TAF3: variants seen among roughly 807,000 people sequenced by gnomAD.
TAF3 encodes TATA-box binding protein associated factor 3, also known as transcription initiation factor TFIID subunit 3.
A neutral mutation model predicts 80.6 loss-of-function variants in TAF3; 7 were observed. The observed-to-expected ratio is 0.09, with a 90% CI of 0.05 to 0.16. The LOEUF is 0.16. Among genes scored for constraint, TAF3 ranks in the 10% least tolerant of loss-of-function variants. The pLI is 1.00. For missense variants in TAF3, 921 were observed against 1,140.2 expected, an observed-to-expected ratio of 0.81 and a Z score of 2.77; for synonymous variants, 444 against 446.1, an observed-to-expected ratio of 1.00 and a Z score of 0.06.
At chr10:7,837,326 G>A (rs1391705625) in intron 2 of TAF3, among the ~76,000 whole-genome samples, 1 of 146,082 alleles carries the variant, frequency 6.8e-6, no homozygotes, top group Non-Finnish European at 1.5e-5. Flanking sequence ...TTGCACCACT[G>A]TGCTCCAGTC....
At chr10:8,003,645 C>T (rs1461656193) in intron 4 of TAF3, among the ~76,000 whole-genome samples, 4 of 152,200 alleles carry the variant, frequency 2.6e-5, no homozygotes, top group Admixed American at 6.5e-5. Context: ...GCATTTAATG[C>T]AGCATTAAAG....
intron 2 of TAF3, among the ~76,000 whole-genome samples, chr10:7,832,039 G>C (rs148989649): frequency 1.1e-3 from 173 of 152,026 alleles, no homozygotes; most frequent in African/African-American, 4.0e-3. Context: ...GTTTTTTGTG[G>C]AGAGAACATT....
At chr10:8,013,924 C>A (rs1832079771) in intron 6 of TAF3, 87 bp downstream of exon 6, 2 of 1,143,862 alleles carry the variant, frequency 1.7e-6, no homozygotes, top group Admixed American at 1.7e-5. Flanking sequence ...TAGATTCCTG[C>A]CTTTGGACTG....
At position 8,009,376 on chromosome 10, in the gene TAF3, TCGAGA is replaced by T. The variant is rs1171380986; in HGVS notation, c.2568+48_2568+52del. On this transcript the variant is annotated intron_variant, in intron 5 of 6. Transcript: ENST00000344293. The surrounding 1 kb of genome is among the most constrained non-coding windows in gnomAD (Gnocchi z 4.1). ...CGGTTAGCATGGAGACGTTTTCAGA[TCGAGA>T]CAAGTGTGTGCTCTGAATCACTATC... 2.6e-6 allele frequency: 4 copies of T among 1,557,042 alleles called. No individual in the cohort carries two copies. The Admixed American group carries it at 7.2e-5, about 28-fold the overall frequency.
chr10:7,835,630 C>T (rs570864862), intron 2 of TAF3, among the ~76,000 whole-genome samples: 5 of 152,282 alleles, frequency 3.3e-5, no homozygotes, highest in African/African-American at 1.2e-4. Context: ...GGATCTCACT[C>T]AGCCCCTTGT....
At chr10:7,925,764 A>G (rs1303673472) in intron 2 of TAF3, among the ~76,000 whole-genome samples, 2 of 141,410 alleles carry the variant, frequency 1.4e-5, no homozygotes, top group African/African-American at 5.1e-5. Context: ...GTGCCACTGC[A>G]CTCCAGCCTG....
At chr10:7,851,738 G>T (rs1479062531) in intron 2 of TAF3, among the ~76,000 whole-genome samples, 2 of 151,830 alleles carry the variant, frequency 1.3e-5, no homozygotes, top group Non-Finnish European at 2.9e-5. Flanking sequence ...ACTATTTTTG[G>T]CATATCTACG....
At chr10:7,821,607 A>G (rs1836691346) in intron 1 of TAF3, among the ~76,000 whole-genome samples, 1 of 152,262 alleles carries the variant, frequency 6.6e-6, no homozygotes, top group African/African-American at 2.4e-5. Flanking sequence ...GAATTGCCTT[A>G]GGGTAACAAT....
chr10:7,991,361 TTAA>T (rs1831831878), intron 4 of TAF3, among the ~76,000 whole-genome samples: 1 of 152,226 alleles, frequency 6.6e-6, no homozygotes, highest in Non-Finnish European at 1.5e-5. Flanking sequence ...AAATAATTTA[TTAA>T]TGTTTTTGTA....
intron 2 of TAF3, among the ~76,000 whole-genome samples, chr10:7,923,625 C>A: frequency 6.7e-6 from 1 of 149,900 alleles, no homozygotes; most frequent in Non-Finnish European, 1.5e-5. Flanking sequence ...CCTCCCCCAA[C>A]AGTTGCTTTG....
At chr10:7,976,533 G>C (rs946180940) in intron 3 of TAF3, among the ~76,000 whole-genome samples, 5 of 151,754 alleles carry the variant, frequency 3.3e-5, no homozygotes, top group Admixed American at 3.3e-4. Flanking sequence ...TCCTGCCTCA[G>C]CCTCCTGAGT....
At chr10:8,001,326 A>AT (rs1319298155) in intron 4 of TAF3, among the ~76,000 whole-genome samples, 3 of 151,976 alleles carry the variant, frequency 2.0e-5, no homozygotes, top group Non-Finnish European at 4.4e-5. Flanking sequence ...GAAGCCTTAG[A>AT]TTGTCATGTT....
intron 2 of TAF3, among the ~76,000 whole-genome samples, chr10:7,888,976 A>G (rs779565635): frequency 4.6e-5 from 7 of 152,244 alleles, no homozygotes; most frequent in Non-Finnish European, 7.3e-5. Flanking sequence ...TATAATTTAT[A>G]AGGATACATA....
At chr10:7,851,759 C>G (rs1474506680) in intron 2 of TAF3, among the ~76,000 whole-genome samples, 1 of 152,040 alleles carries the variant, frequency 6.6e-6, no homozygotes, top group African/African-American at 2.4e-5. Context: ...GTAGTATTAT[C>G]ACACCCTTAA....
intron 2 of TAF3, among the ~76,000 whole-genome samples, chr10:7,844,022 A>T (rs1836945034): frequency 6.6e-6 from 1 of 152,226 alleles, no homozygotes; most frequent in African/African-American, 2.4e-5. Context: ...AAATCTTGAG[A>T]AAAAGCATAC....
chr10:7,826,519 C>A (rs1354474955), intron 2 of TAF3, among the ~76,000 whole-genome samples: 1 of 151,852 alleles, frequency 6.6e-6, no homozygotes, highest in African/African-American at 2.4e-5. Context: ...TTTTGGGTTT[C>A]TTTTCTGGGT....
rs180932918 is a variant in TAF3 at position 7,965,346 on chromosome 10, G to A, written c.1836G>A (p.Glu612=). 6.2e-7 allele frequency: 1 copy of A among 1,603,190 alleles called. No homozygotes were observed. Among genetic ancestry groups the A allele is most frequent in the Admixed American group, 1.7e-5 (1 of 57,266 alleles). ...TGAAAGATGGACTTGTGAGGAAGGA[G>A]AAAGAGAAGCATAAAGATAAGAAGA... ...VKLKDGLVRK[E]KEKHKDKKKD... is the part of the protein sequence containing the mutation. Residue 612 remains glutamate (E), a synonymous_variant, in exon 3 of 7, where the codon GAG becomes GAA. Transcript: ENST00000344293.
chr10:8,007,502 CAT>C (rs1474679618), intron 4 of TAF3, among the ~76,000 whole-genome samples: 4 of 142,688 alleles, frequency 2.8e-5, no homozygotes, highest in Admixed American at 1.4e-4. Context: ...CAAAGGCTAA[CAT>C]ATTTTATCTC....
At chr10:8,003,562 C>G (rs1202818668) in intron 4 of TAF3, among the ~76,000 whole-genome samples, 2 of 152,136 alleles carry the variant, frequency 1.3e-5, no homozygotes, top group Non-Finnish European at 2.9e-5. Flanking sequence ...TTTAATGTAA[C>G]AGAATATGAA....
Sources: allele counts gnomAD v4.1 joint callset (sites outside exome capture counted in the v4.1 genomes callset), GRCh38; gene constraint gnomAD v4.1.1; non-coding constraint Gnocchi (gnomAD v3.1); transcripts MANE v1.5; gene names NCBI Gene and HGNC (gene_info 2026-07-23, HGNC 2026-07-21).